The following TMEM163 variants were observed in gnomAD, a reference collection of about 807,000 sequenced individuals.
The protein encoded by TMEM163 is transmembrane protein 163.
TMEM163 carries 17 observed loss-of-function variants against 29.3 expected under a neutral mutation model. That is an observed-to-expected ratio of 0.58 (90% confidence interval 0.40 to 0.87). TMEM163 has a LOEUF of 0.87. Among genes scored for constraint, TMEM163 ranks in the 40% least tolerant of loss-of-function variants. TMEM163 has a pLI of 0.00. For synonymous variants in TMEM163, 157 were observed against 160.6 expected (o/e 0.98, Z 0.17); for missense variants, 303 against 381.5 (o/e 0.79, Z 1.71).
Position 134,456,084 on chromosome 2 carries a change from G to A in TMEM163, c.*632C>T, listed in dbSNP as rs1174664784. 1 of 152,690 alleles carries A rather than the reference G, an allele frequency of 6.5e-6. No individual in the cohort carries two copies. Among genetic ancestry groups the A allele is most frequent in the Non-Finnish European group, 1.5e-5 (1 of 68,090 alleles). 9.5% of individuals were successfully genotyped at this position (152,690 alleles called of 1,614,324 possible). A position where few individuals can be genotyped will look rare whatever the true frequency, so the allele number is the denominator to read the frequency against. On this transcript the variant is annotated 3_prime_UTR_variant, in exon 8 of 8. Coordinates refer to ENST00000281924, the MANE Select transcript of TMEM163 (RefSeq NM_030923.5). Reference sequence around the variant, plus strand: ...GGATGTTCAGGTTCTGAATGTACAAGAAAAGGTCAATGTGCTTATTTAATT... The same window carrying A: ...GGATGTTCAGGTTCTGAATGTACAAAAAAAGGTCAATGTGCTTATTTAATT...
At chr2:134,526,246 A>G (rs971153292) in intron 4 of TMEM163, among the ~76,000 whole-genome samples, 1 of 152,236 alleles carries the variant, frequency 6.6e-6, no homozygotes, top group Non-Finnish European at 1.5e-5. Flanking sequence ...TTTTAATAAA[A>G]GAAAAGGGAG....
At chr2:134,575,145 TC>T (rs1681523911) in intron 2 of TMEM163, among the ~76,000 whole-genome samples, 1 of 152,126 alleles carries the variant, frequency 6.6e-6, no homozygotes, top group Non-Finnish European at 1.5e-5. Context: ...GCTGTAGGGT[TC>T]TTCTTCCACA....
At chr2:134,582,661 T>C (rs1469077758) in intron 2 of TMEM163, among the ~76,000 whole-genome samples, 1 of 152,154 alleles carries the variant, frequency 6.6e-6, no homozygotes, top group Non-Finnish European at 1.5e-5. Flanking sequence ...GTGATTCTCA[T>C]GACTTGCATA....
chr2:134,554,388 T>C (rs982704361), intron 2 of TMEM163, among the ~76,000 whole-genome samples: 9 of 129,204 alleles, frequency 7.0e-5, no homozygotes, highest in Non-Finnish European at 1.1e-4. Context: ...ATCACGCCAC[T>C]GCCCCAGCTT....
intron 4 of TMEM163, among the ~76,000 whole-genome samples, chr2:134,534,815 A>G (rs867882932): frequency 8.5e-5 from 13 of 152,332 alleles, no homozygotes; most frequent in Middle Eastern, 3.4e-3. Flanking sequence ...AAAAGGCCGT[A>G]AAGAGTCTCT....
Position 134,651,315 on chromosome 2 carries a change from T to G in TMEM163, c.322+61885A>C, listed in dbSNP as rs933173208. On this transcript the variant is annotated intron_variant, in intron 2 of 7. Coordinates refer to ENST00000281924, the MANE Select transcript of TMEM163 (RefSeq NM_030923.5). ...GCCAGTGATGATGAGCATTTTTTCA[T>G]GTGTTTCTTGGCTGCATAAATGTCT... is the stretch of plus-strand genomic sequence containing the variant. 9.9e-5 allele frequency among the ~76,000 whole-genome samples: 14 copies of G among 141,352 alleles called. 1 individual carries two copies. Among genetic ancestry groups the G allele is most frequent in the African/African-American group, 4.1e-4 (14 of 33,880 alleles). 92.7% of individuals were successfully genotyped at this position (141,352 alleles called of 152,430 possible). A position where few individuals can be genotyped will look rare whatever the true frequency, so the allele number is the denominator to read the frequency against.
chr2:134,702,450 G>A (rs1684723840), intron 2 of TMEM163, among the ~76,000 whole-genome samples: 1 of 152,140 alleles, frequency 6.6e-6, no homozygotes, highest in South Asian at 2.1e-4. Flanking sequence ...TTCAAGACCA[G>A]CCTGGGCAAC....
At chr2:134,676,578 C>A (rs1684120341) in intron 2 of TMEM163, among the ~76,000 whole-genome samples, 1 of 152,120 alleles carries the variant, frequency 6.6e-6, no homozygotes, top group African/African-American at 2.4e-5. Context: ...AACTGTACAA[C>A]CATCAGCAGA....
chr2:134,666,845 G>C (rs1053276885), intron 2 of TMEM163, among the ~76,000 whole-genome samples: 1 of 152,212 alleles, frequency 6.6e-6, no homozygotes, highest in African/African-American at 2.4e-5. Context: ...CCAGCGTAGA[G>C]CAGGCGTTCG....
intron 2 of TMEM163, among the ~76,000 whole-genome samples, chr2:134,598,754 T>TA (rs942266887): frequency 1.6e-4 from 24 of 151,556 alleles, no homozygotes; most frequent in South Asian, 4.2e-4. Flanking sequence ...CCGTCTCTAC[T>TA]AAAAAAATAC....
chr2:134,579,224 G>T (rs1358651417), intron 2 of TMEM163, among the ~76,000 whole-genome samples: 1 of 152,192 alleles, frequency 6.6e-6, no homozygotes, highest in East Asian at 1.9e-4. Context: ...AACTTTTGAT[G>T]CAAGGATTAC....
chr2:134,703,670 A>C (rs531381641), intron 2 of TMEM163, among the ~76,000 whole-genome samples: 1 of 152,182 alleles, frequency 6.6e-6, no homozygotes, highest in South Asian at 2.1e-4. Flanking sequence ...CTAAACTTGA[A>C]AAACAAATTA....
intron 7 of TMEM163, 65 bp downstream of exon 7, chr2:134,457,967 G>A: frequency 6.2e-7 from 1 of 1,606,778 alleles, no homozygotes; most frequent in East Asian, 2.2e-5. Flanking sequence ...CCTGACTGGG[G>A]AAGGCGGTGG....
chr2:134,578,163 G>A (rs1441384442), intron 2 of TMEM163, among the ~76,000 whole-genome samples: 1 of 152,182 alleles, frequency 6.6e-6, no homozygotes, highest in East Asian at 1.9e-4. Flanking sequence ...GGAAGAGAAA[G>A]GGTAGTTTTA....
chr2:134,515,723 T>C (rs895511256), intron 4 of TMEM163, among the ~76,000 whole-genome samples: 1 of 152,166 alleles, frequency 6.6e-6, no homozygotes, highest in Non-Finnish European at 1.5e-5. Context: ...TATAAAAATA[T>C]ACATATGCAG....
intron 2 of TMEM163, among the ~76,000 whole-genome samples, chr2:134,694,016 G>A (rs1420588857): frequency 1.3e-5 from 2 of 152,150 alleles, no homozygotes; most frequent in Non-Finnish European, 2.9e-5. Flanking sequence ...TATCTCTTAT[G>A]AGCTTGGAAA....
chr2:134,550,379 T>C (rs936319671), intron 4 of TMEM163, among the ~76,000 whole-genome samples, 191 bp downstream of exon 4: 2 of 152,136 alleles, frequency 1.3e-5, no homozygotes, highest in African/African-American at 4.8e-5. Flanking sequence ...AGGTACATCC[T>C]CTCTCTCTGA....
intron 4 of TMEM163, among the ~76,000 whole-genome samples, chr2:134,546,825 A>G (rs1261838163): frequency 3.3e-5 from 5 of 152,120 alleles, no homozygotes; most frequent in Non-Finnish European, 7.4e-5. Context: ...AAAAATAAAT[A>G]AAATAAATAA....
chr2:134,617,393 C>A (rs1044993509), intron 2 of TMEM163, among the ~76,000 whole-genome samples: 6 of 151,888 alleles, frequency 4.0e-5, no homozygotes, highest in African/African-American at 1.5e-4. Flanking sequence ...GGCAGATTAC[C>A]TGAGGTCAGG....
Sources: gnomAD v4.1 joint callset for allele counts (sites outside exome capture counted in the v4.1 genomes callset) on GRCh38, gnomAD v4.1.1 for gene constraint, MANE v1.5 for transcripts, NCBI Gene and HGNC (gene_info 2026-07-23, HGNC 2026-07-21) for gene names.